The following ASH2L variants were observed in gnomAD, a reference collection of about 807,000 sequenced individuals.
ASH2L encodes the protein ASH2 like, histone lysine methyltransferase complex subunit, also known as set1/Ash2 histone methyltransferase complex subunit ASH2.
ASH2L carries 30 observed loss-of-function variants against 81.1 expected under a neutral mutation model. The ratio of observed to expected loss-of-function variants is 0.37; its 90% CI spans 0.28 to 0.50. The LOEUF (loss-of-function observed/expected upper bound fraction) is 0.50. Ranked by LOEUF, ASH2L falls within the 20% of genes least tolerant of loss-of-function variation. The pLI is 0.95. For synonymous variants in ASH2L, 273 were observed against 279.9 expected (o/e 0.98, Z 0.24); for missense variants, 559 against 792.1 (o/e 0.71, Z 3.53).
intron 5 of ASH2L, among the ~76,000 whole-genome samples, chr8:38,112,838 G>A (rs1470946240): frequency 2.0e-5 from 3 of 152,118 alleles, no homozygotes; most frequent in African/African-American, 7.2e-5. Flanking sequence ...AGTAGTAGTT[G>A]TAAATCAGAA....
rs1159296770 is a variant in ASH2L at position 38,120,912 on chromosome 8, T to C, written c.948-20T>C. On this transcript the variant is annotated intron_variant, in intron 9 of 15. Coordinates refer to ENST00000343823, the MANE Select transcript of ASH2L (RefSeq NM_004674.5). ...TAAAGGGGGTTTTAGTTTTTTGATG[T>C]TATTTTTTCCTTTCTGCAGTGACCC... 6.2e-7 allele frequency: 1 copy of C among 1,608,086 alleles called. No homozygotes were observed. Among genetic ancestry groups the C allele is most frequent in the South Asian group, 1.1e-5 (1 of 90,968 alleles).
chr8:38,132,469 G>A (rs760417975), intron 12 of ASH2L, among the ~76,000 whole-genome samples: 18 of 152,210 alleles, frequency 1.2e-4, no homozygotes, highest in Non-Finnish European at 2.6e-4. Context: ...AAACTAGGAC[G>A]GGGAAGAAGG....
Position 38,119,330 on chromosome 8 carries a change from GAGGGACCAC to G in ASH2L, c.924_932del (p.Gly309_Thr311del), listed in dbSNP as rs1289217409. 3 of 1,549,596 alleles carry G rather than the reference GAGGGACCAC, an allele frequency of 1.9e-6. No homozygotes were observed. The highest frequency in any genetic ancestry group is 4.9e-5 in the East Asian group (2 of 40,740). On this transcript the variant is annotated inframe_deletion, in exon 9 of 16. Coordinates refer to ENST00000343823, the MANE Select transcript of ASH2L (RefSeq NM_004674.5). ...GGAGCCAAGCGCAAACAGCAGGATG[GAGGGACCAC>G]AGGGACCACCAAGAAGGCCCGGAGG...
chr8:38,105,827 C>CT, intron 1 of ASH2L, 89 bp downstream of exon 1: 1 of 1,460,820 alleles, frequency 6.8e-7, no homozygotes, highest in Non-Finnish European at 9.0e-7. Flanking sequence ...CGCCCGCCCC[C>CT]TGCGAACCCA....
rs1300602376 is a variant in ASH2L at position 38,106,924 on chromosome 8, C to T, written c.256-97C>T. ...GACCTCAGGATCACTTGAGACCAGC[C>T]TGGGCAACATAGGGAGACCCCCGTC... On this transcript the variant is annotated intron_variant, in intron 2 of 15. Coordinates refer to ENST00000343823, the MANE Select transcript of ASH2L (RefSeq NM_004674.5). 4.1e-6 allele frequency: 6 copies of T among 1,463,598 alleles called. No individual in the cohort carries two copies. In the African/African-American group the frequency reaches 8.4e-5, roughly 21 times the overall value. The allele number at this position is 1,463,598 out of a possible 1,614,324, so 90.7% of individuals were successfully genotyped here.
At chr8:38,116,047 C>T (rs893711190) in intron 7 of ASH2L, among the ~76,000 whole-genome samples, 2 of 151,818 alleles carry the variant, frequency 1.3e-5, no homozygotes, top group South Asian at 2.1e-4. Flanking sequence ...GCCAACACAG[C>T]GAAACTCTAT....
chr8:38,128,735 T>A, intron 11 of ASH2L, 23 bp from the exon 12 acceptor site: 3 of 1,597,230 alleles, frequency 1.9e-6, no homozygotes, highest in Non-Finnish European at 1.7e-6. Flanking sequence ...TCTGACTTCC[T>A]GTGTATGTTT....
chr8:38,121,355 A>G (rs892561180), intron 10 of ASH2L, among the ~76,000 whole-genome samples: 3 of 141,994 alleles, frequency 2.1e-5, no homozygotes, highest in Non-Finnish European at 4.6e-5. Context: ...ATATATATAT[A>G]TATATATATA....
chr8:38,130,445 C>G (rs1210778873), intron 12 of ASH2L, among the ~76,000 whole-genome samples: 1 of 151,004 alleles, frequency 6.6e-6, no homozygotes, highest in Non-Finnish European at 1.5e-5. Flanking sequence ...TTTATGAAGT[C>G]TGATTTATCA....
intron 10 of ASH2L, among the ~76,000 whole-genome samples, chr8:38,125,263 T>G (rs908453712): frequency 2.0e-5 from 3 of 152,298 alleles, no homozygotes; most frequent in Middle Eastern, 3.4e-3. Context: ...CTTTTTCTTT[T>G]TCTGAATTAA....
At chr8:38,117,919 T>A (rs931381124) in intron 8 of ASH2L, 1 of 151,774 alleles carries the variant, frequency 6.6e-6, no homozygotes, top group African/African-American at 2.4e-5. Context: ...ATTAGCCAAG[T>A]GTGGTGGCAG....
In ASH2L at chr8:38,128,413, A is replaced by T. The variant is rs1479524772; in HGVS notation, c.1288A>T (p.Met430Leu). ...AWYFEITVDE[M>L]PPDTAARLGW... ...GTATTTTGAAATCACTGTGGATGAG[A>T]TGCCACCAGATACCGCTGCCAGACT... The change falls in exon 11 of 16, where the codon ATG becomes TTG. Residue 430 changes from methionine to leucine, a missense_variant. Coordinates refer to ENST00000343823, the MANE Select transcript of ASH2L (RefSeq NM_004674.5). 6.2e-7 allele frequency: 1 copy of T among 1,614,160 alleles called. No homozygotes were observed. The highest frequency in any genetic ancestry group is 1.1e-5 in the South Asian group (1 of 91,080).
intron 10 of ASH2L, among the ~76,000 whole-genome samples, chr8:38,125,770 A>G (rs7003552): frequency 0.011 from 1,672 of 152,310 alleles, 31 homozygotes; most frequent in South Asian, 0.08. Context: ...TTAGCAGTGG[A>G]GAAACCTGGC....
rs146335370 is a variant in ASH2L at position 38,110,531 on chromosome 8, G to A, written c.490+64G>A. The A allele has an allele frequency of 2.2e-5, 33 of 1,488,428 alleles. 1 individual carries two copies. The highest frequency in any genetic ancestry group is 9.0e-5 in the East Asian group (4 of 44,248). 92.2% of individuals were successfully genotyped at this position (1,488,428 alleles called of 1,614,324 possible). A position where few individuals can be genotyped will look rare whatever the true frequency, so the allele number is the denominator to read the frequency against. ...ACTGGAAAAGAAAAGGGATCTGGGC[G>A]TAGCAGAATCAGGAGACCTTTGCCT... is the stretch of plus-strand genomic sequence containing the variant. On this transcript the variant is annotated intron_variant, in intron 4 of 15. Coordinates refer to ENST00000343823, the MANE Select transcript of ASH2L (RefSeq NM_004674.5).
intron 6 of ASH2L, 160 bp from the exon 7 acceptor site, chr8:38,114,745 A>AT: frequency 1.7e-6 from 1 of 587,274 alleles, no homozygotes; most frequent in Non-Finnish European, 3.1e-6. Context: ...TGTTGTTTGA[A>AT]TTTTTTGATG....
At position 38,114,954 on chromosome 8, in the gene ASH2L, G is replaced by C. The variant is rs1810835162; in HGVS notation, c.731G>C (p.Ser244Thr). 1.9e-6 allele frequency: 3 copies of C among 1,612,836 alleles called. No homozygotes were observed. Among genetic ancestry groups the C allele is most frequent in the Non-Finnish European group, 2.5e-6 (3 of 1,179,048 alleles). ...GTAAAGGAACACCCAGATCCAGGCA[G>C]TAAAGATCCAGAAGAAGATTACCCC... ...FLVKEHPDPG[S>T]KDPEEDYPKF... The change falls in exon 7 of 16, where the codon AGT becomes ACT. Residue 244 changes from serine (S) to threonine (T), a missense_variant. Around this residue, in one of 4 missense-constraint regions of ASH2L, gnomAD observed 318 missense variants for 527.0 expected, o/e 0.60. Coordinates refer to ENST00000343823, the MANE Select transcript of ASH2L (RefSeq NM_004674.5).
At chr8:38,120,852 A>G (rs1811115180) in intron 9 of ASH2L, 80 bp from the exon 10 acceptor site, 3 of 1,171,834 alleles carry the variant, frequency 2.6e-6, no homozygotes, top group South Asian at 2.5e-5. Flanking sequence ...GAAATAAACC[A>G]GAGGCCTTTC....
Position 38,107,058 on chromosome 8 carries a change from A to C in ASH2L, c.293A>C (p.Gln98Pro), listed in dbSNP as rs1810466005. The C allele has an allele frequency of 6.2e-7, 1 of 1,614,114 alleles. No individual in the cohort carries two copies. Among genetic ancestry groups the C allele is most frequent in the Non-Finnish European group, 8.5e-7 (1 of 1,179,966 alleles). Residue 98 changes from glutamine (Q) to proline (P), a missense_variant, in exon 3 of 16, where the codon CAG becomes CCG. This residue lies in a region of ASH2L where 318 missense variants were observed against 527.0 expected (regional missense o/e 0.60). Coordinates refer to ENST00000343823, the MANE Select transcript of ASH2L (RefSeq NM_004674.5). ...GATACATCAGAGGTGATGGATACTCAGGCGGGCTCCGTGGATGAAGAGAAT... is the reference window on the plus strand; with the variant it reads ...GATACATCAGAGGTGATGGATACTCCGGCGGGCTCCGTGGATGAAGAGAAT... ...AGDTSEVMDT[Q>P]AGSVDEENGR... is the part of the protein sequence containing the mutation.
At chr8:38,116,920 A>G (rs1810927008) in intron 8 of ASH2L, among the ~76,000 whole-genome samples, 195 bp downstream of exon 8, 1 of 152,220 alleles carries the variant, frequency 6.6e-6, no homozygotes, top group Admixed American at 6.5e-5. Context: ...TCACTTTACA[A>G]CAGTTTGGTC....
Sources: allele counts gnomAD v4.1 joint callset (sites outside exome capture counted in the v4.1 genomes callset), GRCh38; gene constraint gnomAD v4.1.1; regional missense constraint gnomAD v4.1.1; transcripts MANE v1.5; gene names NCBI Gene and HGNC (gene_info 2026-07-23, HGNC 2026-07-21).